Variants in TMEM117 observed in about 807,000 individuals in gnomAD.
TMEM117 encodes transmembrane protein 117.
Under a neutral mutation model 52.4 loss-of-function variants are expected in TMEM117, and 27 were observed. The observed-to-expected ratio is 0.51, with a 90% confidence interval of 0.38 to 0.71. The LOEUF (loss-of-function observed/expected upper bound fraction) is 0.71, where lower values mean the gene tolerates loss of function less well. Among genes scored for constraint, TMEM117 ranks in the 30% least tolerant of loss-of-function variants. The pLI, the probability that TMEM117 is intolerant of heterozygous loss-of-function variation, is 0.00. For missense variants in TMEM117, 556 were observed against 630.5 expected (o/e 0.88, Z 1.26); for synonymous variants, 215 against 206.3 (o/e 1.04, Z -0.36).
intron 1 of TMEM117, among the ~76,000 whole-genome samples, chr12:43,844,225 G>T (rs1943161648): frequency 6.6e-6 from 1 of 152,202 alleles, no homozygotes. Context: ...TACTGGGGAG[G>T]CTGAGGTGGG....
rs77593277 is a variant in TMEM117, at chr12:43,858,710, C to G, written c.277+13782C>G. 9.4e-3 allele frequency among the ~76,000 whole-genome samples: 1,438 copies of G among 152,288 alleles called. 10 individuals carry two copies. Among genetic ancestry groups the G allele is most frequent in the Middle Eastern group, 0.041 (12 of 294 alleles). ...AAATGGACAGACTAGCTAAGAGTAACCAGCAAATACACACAAACCTGAGAG... is the reference window on the plus strand; with the variant it reads ...AAATGGACAGACTAGCTAAGAGTAAGCAGCAAATACACACAAACCTGAGAG... On this transcript the variant is annotated intron_variant, in intron 2 of 7. Coordinates refer to ENST00000266534, the MANE Select transcript of TMEM117 (RefSeq NM_032256.3).
intron 3 of TMEM117, among the ~76,000 whole-genome samples, chr12:44,043,904 G>A (rs1255902248): frequency 3.3e-5 from 5 of 152,170 alleles, no homozygotes; most frequent in South Asian, 2.1e-4. Flanking sequence ...ATTTGGGCCC[G>A]CTAAGTAGGG....
chr12:44,025,604 A>C (rs1166721280), intron 3 of TMEM117, among the ~76,000 whole-genome samples: 1 of 152,212 alleles, frequency 6.6e-6, no homozygotes, highest in Non-Finnish European at 1.5e-5. Flanking sequence ...TGTAGTAATG[A>C]AATGCTGGGA....
At position 43,949,522 on chromosome 12, in the gene TMEM117, G is replaced by A. The variant is rs141884412; in HGVS notation, c.410+5180G>A. On this transcript the variant is annotated intron_variant, in intron 3 of 7. Transcript: ENST00000266534. ...GAAGGTCATATACTAGTTAAACTCC[G>A]CCATTTTGTCAGTTACTGCACATGC... Among the ~76,000 whole-genome samples the A allele has an allele frequency of 7.0e-3, 1,067 of 152,188 alleles. 11 individuals carry two copies. The highest frequency in any genetic ancestry group is 0.023 in the African/African-American group (960 of 41,508).
At chr12:43,887,719 A>T (rs1288869844) in intron 2 of TMEM117, among the ~76,000 whole-genome samples, 2 of 152,210 alleles carry the variant, frequency 1.3e-5, no homozygotes, top group Non-Finnish European at 2.9e-5. Flanking sequence ...AAAGTTCAGC[A>T]GAAGTTGTAC....
chr12:44,311,627 A>C (rs1950976483), intron 6 of TMEM117, among the ~76,000 whole-genome samples: 2 of 151,372 alleles, frequency 1.3e-5, no homozygotes, highest in South Asian at 2.1e-4. Context: ...TGTAACAGAG[A>C]GGATTTTCAA....
intron 3 of TMEM117, among the ~76,000 whole-genome samples, chr12:44,037,611 G>A (rs1245405164): frequency 6.6e-6 from 1 of 152,140 alleles, no homozygotes; most frequent in Non-Finnish European, 1.5e-5. Context: ...ACAAGAATGG[G>A]AACATATGAT....
intron 3 of TMEM117, among the ~76,000 whole-genome samples, chr12:44,116,705 G>A (rs1227871097): frequency 1.3e-5 from 2 of 152,126 alleles, no homozygotes; most frequent in Non-Finnish European, 2.9e-5. Context: ...TTGGTGCATG[G>A]CAGCACCACT....
chr12:44,156,113 G>A (rs921907698), intron 4 of TMEM117, among the ~76,000 whole-genome samples: 7 of 152,162 alleles, frequency 4.6e-5, no homozygotes, highest in South Asian at 2.1e-4. Flanking sequence ...CAGGCAAAAA[G>A]CATTTTCATA....
chr12:44,337,983 G>A (rs1205122871), intron 6 of TMEM117, among the ~76,000 whole-genome samples: 2 of 152,022 alleles, frequency 1.3e-5, no homozygotes, highest in Non-Finnish European at 2.9e-5. Flanking sequence ...AAAGTAGAAG[G>A]AAAAGCACTA....
intron 7 of TMEM117, among the ~76,000 whole-genome samples, chr12:44,380,565 G>A (rs898139817): frequency 6.6e-6 from 1 of 152,100 alleles, no homozygotes; most frequent in African/African-American, 2.4e-5. Flanking sequence ...ACTTACTGGT[G>A]GTCTGGTCCT....
At position 44,387,272 on chromosome 12, in the gene TMEM117, T is replaced by A. The variant is rs539055970; in HGVS notation, c.899-754T>A. 2.8e-4 allele frequency among the ~76,000 whole-genome samples: 42 copies of A among 151,988 alleles called. No homozygotes were observed. In the South Asian group the frequency reaches 3.5e-3, roughly 13 times the overall value. Reference sequence around the variant, plus strand: ...ATACCTGAAAAGTTTTTCCACATTCTTTCCATTTGCAAATGTAAAAATATC... The same window carrying A: ...ATACCTGAAAAGTTTTTCCACATTCATTCCATTTGCAAATGTAAAAATATC... On this transcript the variant is annotated intron_variant, in intron 7 of 7. Coordinates refer to ENST00000266534, the MANE Select transcript of TMEM117 (RefSeq NM_032256.3).
At chr12:43,808,784 T>C in the TMEM117 span, among the ~76,000 whole-genome samples, 2 of 124,800 alleles carry the variant, frequency 1.6e-5, no homozygotes, top group Non-Finnish European at 3.1e-5. Flanking sequence ...CACTCCAGCC[T>C]GGGCAACAGA....
intron 6 of TMEM117, among the ~76,000 whole-genome samples, chr12:44,320,634 T>C (rs558727647): frequency 6.6e-6 from 1 of 152,336 alleles, no homozygotes; most frequent in South Asian, 2.1e-4. Flanking sequence ...GCATGTGCAA[T>C]ACAAGGGCAT....
intron 2 of TMEM117, among the ~76,000 whole-genome samples, chr12:43,898,167 C>G (rs1359171903): frequency 6.6e-6 from 1 of 151,996 alleles, no homozygotes; most frequent in Non-Finnish European, 1.5e-5. Context: ...TCATCTTTCC[C>G]TCCAGATGAG....
intron 3 of TMEM117, among the ~76,000 whole-genome samples, chr12:43,976,985 C>T (rs961136351): frequency 2.0e-5 from 3 of 152,178 alleles, no homozygotes; most frequent in Non-Finnish European, 4.4e-5. Flanking sequence ...AGGAACCCCC[C>T]ACTAGGGGTA....
the TMEM117 span, chr12:43,805,902 G>C: frequency 1.3e-6 from 2 of 1,482,086 alleles, no homozygotes; most frequent in South Asian, 1.1e-5. Context: ...GACCAAAAGG[G>C]GGAAAGTTGG....
At chr12:44,067,227 C>T (rs1406622941) in intron 3 of TMEM117, among the ~76,000 whole-genome samples, 9 of 152,130 alleles carry the variant, frequency 5.9e-5, no homozygotes, top group Non-Finnish European at 1.3e-4. Context: ...CCCCTCAAAG[C>T]CATCCACAAG....
intron 2 of TMEM117, among the ~76,000 whole-genome samples, chr12:43,863,730 C>T (rs1018697431): frequency 2.0e-5 from 3 of 152,282 alleles, no homozygotes; most frequent in East Asian, 1.9e-4. Context: ...GAGGTGACAG[C>T]GTGCTGGCAG....
Sources: gnomAD v4.1 joint callset for allele counts (sites outside exome capture counted in the v4.1 genomes callset) on GRCh38, gnomAD v4.1.1 for gene constraint, MANE v1.5 for transcripts, NCBI Gene and HGNC (gene_info 2026-07-23, HGNC 2026-07-21) for gene names.